Variants in RRP15 observed in about 807,000 individuals in gnomAD.
RRP15 encodes the protein ribosomal RNA processing 15 homolog.
In RRP15, 18 loss-of-function variants were observed where a neutral mutation model predicts 27.1. That is an observed-to-expected ratio of 0.66 (90% CI 0.46 to 0.98). The LOEUF (loss-of-function observed/expected upper bound fraction) is 0.98. RRP15 is among the 50% of genes least tolerant of loss of function. The pLI is 0.00. For synonymous variants in RRP15, 107 were observed against 109.4 expected (o/e 0.98, Z 0.14); for missense variants, 359 against 337.8 (o/e 1.06, Z -0.49).
intron 1 of RRP15, among the ~76,000 whole-genome samples, chr1:218,296,887 A>G (rs566738272): frequency 6.6e-6 from 1 of 152,196 alleles, no homozygotes; most frequent in African/African-American, 2.4e-5. Flanking sequence ...CAGCACTTTT[A>G]TAATTGAAGT....
chr1:218,302,590 ATTGT>A (rs779210706), intron 2 of RRP15, 31 bp downstream of exon 2: 9 of 1,599,526 alleles, frequency 5.6e-6, no homozygotes, highest in Middle Eastern at 1.9e-4. Context: ...TGTAGATTAG[ATTGT>A]TTGTCTAGGC....
rs1050823308 is a variant in RRP15, at chr1:218,287,273, A to C, written c.139+1818A>C. ...TGAGATTACAGGTGTGAGCCAGCAC[A>C]CCTGGCCAAATTGGATTTTTCTATT... On this transcript the variant is annotated intron_variant, in intron 1 of 4. Coordinates refer to ENST00000366932, the MANE Select transcript of RRP15 (RefSeq NM_016052.4). 2.6e-5 allele frequency among the ~76,000 whole-genome samples: 4 copies of C among 151,504 alleles called. No homozygotes were observed. In the East Asian group the frequency reaches 7.8e-4, roughly 29 times the overall value.
At chr1:218,300,311 T>A (rs1475391944) in intron 1 of RRP15, among the ~76,000 whole-genome samples, 1 of 151,226 alleles carries the variant, frequency 6.6e-6, no homozygotes, top group Non-Finnish European at 1.5e-5. Flanking sequence ...GTTAGTTTTT[T>A]GAAGATACTT....
intron 4 of RRP15, among the ~76,000 whole-genome samples, chr1:218,317,000 A>C (rs1571804858): frequency 6.6e-6 from 1 of 152,236 alleles, no homozygotes; most frequent in Admixed American, 6.5e-5. Context: ...GGAACTAGAA[A>C]TGTGTCCACT....
chr1:218,296,869 GA>G (rs1655725465), intron 1 of RRP15, among the ~76,000 whole-genome samples: 1 of 151,966 alleles, frequency 6.6e-6, no homozygotes, highest in African/African-American at 2.4e-5. Flanking sequence ...ACTATAACAA[GA>G]CTTAGGCAGC....
intron 4 of RRP15, among the ~76,000 whole-genome samples, chr1:218,330,411 A>G (rs1456764613): frequency 6.6e-6 from 1 of 152,204 alleles, no homozygotes; most frequent in Non-Finnish European, 1.5e-5. Flanking sequence ...TAACCTAAAT[A>G]AAGAACATTT....
Position 218,329,838 on chromosome 1 carries a change from A to T in RRP15, c.706-1110A>T, listed in dbSNP as rs201114495. ...AATAGTGGTCAATTTTTTTTTTTTTAAATGGAATGAATGTTTCAGGGCTAT... is the reference window on the plus strand; with the variant it reads ...AATAGTGGTCAATTTTTTTTTTTTTTAATGGAATGAATGTTTCAGGGCTAT... On this transcript the variant is annotated intron_variant, in intron 4 of 4. Coordinates refer to ENST00000366932, the MANE Select transcript of RRP15 (RefSeq NM_016052.4). 1.7e-4 allele frequency among the ~76,000 whole-genome samples: 25 copies of T among 151,430 alleles called. 1 individual carries two copies. The South Asian group carries it at 2.1e-3, about 13-fold the overall frequency.
At chr1:218,316,904 T>C (rs1000510777) in intron 4 of RRP15, among the ~76,000 whole-genome samples, 1 of 152,230 alleles carries the variant, frequency 6.6e-6, no homozygotes, top group Non-Finnish European at 1.5e-5. Context: ...ATTAAAATTA[T>C]GTTTAGATTT....
At chr1:218,287,903 AT>A (rs142418867) in intron 1 of RRP15, among the ~76,000 whole-genome samples, 135 of 152,316 alleles carry the variant, frequency 8.9e-4, no homozygotes, top group African/African-American at 2.5e-3. Context: ...AGAAGGATGA[AT>A]AGTTTTCCTG....
intron 4 of RRP15, among the ~76,000 whole-genome samples, chr1:218,316,282 A>G (rs757538806): frequency 2.0e-5 from 3 of 152,118 alleles, no homozygotes; most frequent in African/African-American, 2.4e-5. Flanking sequence ...TTTTGCCCCT[A>G]TATGAATAAA....
At chr1:218,320,251 C>T (rs1308999357) in intron 4 of RRP15, among the ~76,000 whole-genome samples, 25 of 150,792 alleles carry the variant, frequency 1.7e-4, no homozygotes, top group Non-Finnish European at 2.8e-4. Flanking sequence ...TGATGTTCCC[C>T]TTCCTGTGTC....
rs116516457 is a variant in RRP15, at chr1:218,315,193, G to A, written c.705+7561G>A. 3.3e-3 allele frequency among the ~76,000 whole-genome samples: 506 copies of A among 152,098 alleles called. 4 individuals carry two copies. Among genetic ancestry groups the A allele is most frequent in the African/African-American group, 0.011 (474 of 41,468 alleles). On this transcript the variant is annotated intron_variant, in intron 4 of 4. Transcript: ENST00000366932. ...ATTTCTCATTTATTTGTCATAAATGGCAACCTTGTAATTTCTTCATAGGTA... is the reference window on the plus strand; with the variant it reads ...ATTTCTCATTTATTTGTCATAAATGACAACCTTGTAATTTCTTCATAGGTA...
chr1:218,291,674 G>A (rs1353888722), intron 1 of RRP15, among the ~76,000 whole-genome samples: 1 of 151,462 alleles, frequency 6.6e-6, no homozygotes, highest in Non-Finnish European at 1.5e-5. Flanking sequence ...TGGTACTACA[G>A]GCACGTGCCA....
intron 3 of RRP15, among the ~76,000 whole-genome samples, chr1:218,307,207 ATTTGTT>A (rs1314917871): frequency 2.0e-5 from 3 of 152,150 alleles, no homozygotes; most frequent in Non-Finnish European, 4.4e-5. Context: ...ACCAATCCAC[ATTTGTT>A]ATCTGTTTAG....
At chr1:218,287,689 G>A (rs957972410) in intron 1 of RRP15, among the ~76,000 whole-genome samples, 1 of 150,062 alleles carries the variant, frequency 6.7e-6, no homozygotes, top group Non-Finnish European at 1.5e-5. Flanking sequence ...CCCAGCCTAG[G>A]CGTTGCTTAC....
chr1:218,336,434 G>C lies in RRP15; in HGVS notation c.*5343G>C, dbSNP rs1376753538. The C allele has an allele frequency of 1.3e-5, 2 of 152,654 alleles. No individual in the cohort carries two copies. The highest frequency in any genetic ancestry group is 4.8e-5 in the African/African-American group (2 of 41,468). The allele number at this position is 152,654 out of a possible 1,614,324, so 9.5% of individuals were successfully genotyped here. On this transcript the variant is annotated 3_prime_UTR_variant, in exon 5 of 5. Transcript: ENST00000366932. ...CAAAGTGAAAACACCAAATTTGTAA[G>C]AGGTCAGGACCAACTGGGGCTCTAA...
In RRP15 at chr1:218,337,053, C is replaced by T. The variant is rs1215443038; in HGVS notation, c.*5962C>T. 2 of 152,118 alleles carry T rather than the reference C, an allele frequency of 1.3e-5. No homozygotes were observed. The highest frequency in any genetic ancestry group is 2.9e-5 in the Non-Finnish European group (2 of 68,030). The allele number at this position is 152,118 out of a possible 1,614,324, so 9.4% of individuals were successfully genotyped here. The stretch of plus-strand genomic sequence containing the variant: ...TTGTTTCCTTGTGTAAGTTTCTTAA[C>T]CTTTGTAAGGCTAGCATGTAAATCA... On this transcript the variant is annotated 3_prime_UTR_variant, in exon 5 of 5. Transcript: ENST00000366932.
Position 218,285,353 on chromosome 1 carries a change from G to T in RRP15, c.37G>T (p.Glu13Ter). The T allele has an allele frequency of 1.9e-6, 3 of 1,614,162 alleles. No individual in the cohort carries two copies. Among genetic ancestry groups the T allele is most frequent in the Non-Finnish European group, 8.5e-7 (1 of 1,180,024 alleles). Residue 13 changes from glutamate (E) to a stop codon, truncating the protein, a stop_gained, in exon 1 of 5, where the codon GAA becomes TAA. Transcript: ENST00000366932. LOFTEE classifies it high-confidence loss of function. ...AAAPDSRVSE[E>*]ENLKKTPKKK... ...CGCTCCGGACTCACGTGTGAGTGAG[G>T]AAGAAAACCTGAAAAAGACCCCAAA...
intron 4 of RRP15, among the ~76,000 whole-genome samples, chr1:218,327,518 G>A (rs1656293596): frequency 6.6e-6 from 1 of 152,036 alleles, no homozygotes; most frequent in Non-Finnish European, 1.5e-5. Flanking sequence ...TGGCCAGGCT[G>A]GTCTGAAACT....
Sources: gnomAD v4.1 joint callset for allele counts (sites outside exome capture counted in the v4.1 genomes callset) on GRCh38, gnomAD v4.1.1 for gene constraint, MANE v1.5 for transcripts, NCBI Gene and HGNC (gene_info 2026-07-23, HGNC 2026-07-21) for gene names.